Variants in MKLN1 observed in about 807,000 individuals in gnomAD.
The protein encoded by MKLN1 is muskelin.
Under a neutral mutation model 99.0 loss-of-function variants are expected in MKLN1, and 18 were observed. That is an observed-to-expected ratio of 0.18 (90% CI 0.13 to 0.27). The LOEUF is 0.27. Among genes scored for constraint, MKLN1 ranks in the 10% least tolerant of loss-of-function variants. The probability of loss-of-function intolerance (pLI) is 1.00; values close to 1 mark genes in which losing one functional copy is unlikely to be tolerated. For synonymous variants in MKLN1, 288 were observed against 293.2 expected (o/e 0.98, Z 0.18); for missense variants, 621 against 875.9 (o/e 0.71, Z 3.67).
At chr7:131,270,149 C>T (rs1224422402) in intron 3 of MKLN1, among the ~76,000 whole-genome samples, 1 of 152,002 alleles carries the variant, frequency 6.6e-6, no homozygotes, top group Non-Finnish European at 1.5e-5. Context: ...GTCTCGATCT[C>T]CCGACTTCAT....
chr7:131,120,556 A>AAAG (rs1028645405), intron 1 of MKLN1, among the ~76,000 whole-genome samples: 2 of 151,182 alleles, frequency 1.3e-5, no homozygotes, highest in African/African-American at 4.9e-5. Flanking sequence ...CTCAAAAAAA[A>AAAG]AAAAAAAAAG....
chr7:131,470,993 C>T lies in MKLN1; in HGVS notation c.2031+49C>T, dbSNP rs564586118. The T allele has an allele frequency of 6.2e-6, 8 of 1,288,932 alleles. No individual in the cohort carries two copies. In the South Asian group the frequency reaches 7.7e-5, roughly 12 times the overall value. 79.8% of individuals were successfully genotyped at this position (1,288,932 alleles called of 1,614,324 possible). On this transcript the variant is annotated intron_variant, in intron 16 of 17. Transcript: ENST00000352689. Reference sequence around the variant, plus strand: ...TCAGAAATTAAGTATTTTTAAATGTCTTCCTAACTTATATTTAATGATTTT... The same window carrying T: ...TCAGAAATTAAGTATTTTTAAATGTTTTCCTAACTTATATTTAATGATTTT...
At chr7:131,161,962 T>A (rs1796057899) in intron 2 of MKLN1, among the ~76,000 whole-genome samples, 1 of 33,842 alleles carries the variant, frequency 3.0e-5, no homozygotes, top group African/African-American at 2.0e-4. Flanking sequence ...TGTGTGTGTG[T>A]GTATATATAT....
At chr7:131,148,697 C>A (rs965272531) in intron 2 of MKLN1, among the ~76,000 whole-genome samples, 24 of 152,012 alleles carry the variant, frequency 1.6e-4, no homozygotes, top group Non-Finnish European at 3.4e-4. Context: ...CACTTGAACC[C>A]CAGGAGGTCA....
At chr7:131,439,978 A>G (rs989996204) in intron 10 of MKLN1, among the ~76,000 whole-genome samples, 33 of 152,094 alleles carry the variant, frequency 2.2e-4, no homozygotes, top group African/African-American at 8.0e-4. Flanking sequence ...AATGCCTTGT[A>G]AGTTTAGCCA....
intron 2 of MKLN1, among the ~76,000 whole-genome samples, chr7:131,167,990 C>T (rs1397269697): frequency 2.6e-5 from 4 of 152,090 alleles, no homozygotes; most frequent in African/African-American, 9.7e-5. Context: ...GGAAATTAAC[C>T]CAAATGCTGA....
chr7:131,478,757 A>T (rs764101958), intron 17 of MKLN1, 80 bp downstream of exon 17: 3 of 1,460,656 alleles, frequency 2.1e-6, no homozygotes, highest in East Asian at 2.3e-5. Flanking sequence ...TACGTGAAAC[A>T]TCAGGTGAGA....
chr7:131,144,338 C>T (rs1358802025), intron 2 of MKLN1, among the ~76,000 whole-genome samples: 3 of 151,478 alleles, frequency 2.0e-5, no homozygotes, highest in Non-Finnish European at 4.4e-5. Flanking sequence ...AAAAATTAGC[C>T]GGGCGTGGTG....
intron 3 of MKLN1, among the ~76,000 whole-genome samples, chr7:131,274,650 A>G (rs1183407793): frequency 6.6e-6 from 1 of 151,364 alleles, no homozygotes; most frequent in Non-Finnish European, 1.5e-5. Context: ...TCTCAAAAAA[A>G]AAAAAAAAAA....
intron 3 of MKLN1, chr7:131,310,716 G>A (rs1243536417): frequency 6.6e-6 from 1 of 152,176 alleles, no homozygotes; most frequent in Non-Finnish European, 1.5e-5. Context: ...GGTCATATCT[G>A]AAAATATGTC....
intron 1 of MKLN1, among the ~76,000 whole-genome samples, chr7:131,345,144 C>T (rs376238478): frequency 9.3e-4 from 141 of 152,122 alleles, no homozygotes; most frequent in Middle Eastern, 3.4e-3. Flanking sequence ...GCTCGTTATG[C>T]GATTTTTGGC....
intron 1 of MKLN1, among the ~76,000 whole-genome samples, chr7:131,368,544 A>G (rs1253706297): frequency 6.6e-6 from 1 of 152,204 alleles, no homozygotes; most frequent in East Asian, 1.9e-4. Context: ...TTCTCATGGC[A>G]GCAGGAGAGA....
chr7:131,298,642 G>C (rs917931220), intron 3 of MKLN1, among the ~76,000 whole-genome samples: 3 of 152,156 alleles, frequency 2.0e-5, no homozygotes, highest in African/African-American at 4.8e-5. Context: ...AATAAAACAC[G>C]CCTGTCTTTG....
intron 3 of MKLN1, among the ~76,000 whole-genome samples, chr7:131,298,863 T>A (rs182574129): frequency 6.6e-6 from 1 of 152,198 alleles, no homozygotes; most frequent in Non-Finnish European, 1.5e-5. Flanking sequence ...GGGTCAACTA[T>A]CAAGCGAAAT....
intron 3 of MKLN1, among the ~76,000 whole-genome samples, chr7:131,270,409 C>A (rs1797867495): frequency 6.6e-6 from 1 of 152,172 alleles, no homozygotes. Flanking sequence ...TTAGTAGAGA[C>A]AGGGTTTCAC....
At chr7:131,330,833 T>C (rs957901449) in intron 1 of MKLN1, among the ~76,000 whole-genome samples, 1 of 152,202 alleles carries the variant, frequency 6.6e-6, no homozygotes, top group African/African-American at 2.4e-5. Flanking sequence ...TTTTAATTTA[T>C]TTGGACTTTA....
intron 3 of MKLN1, among the ~76,000 whole-genome samples, chr7:131,279,828 A>G (rs1394576214): frequency 6.6e-6 from 1 of 152,116 alleles, no homozygotes; most frequent in Non-Finnish European, 1.5e-5. Context: ...TAACAAAAAT[A>G]AAGTATATAG....
rs1349982697 is a variant in MKLN1, at chr7:131,243,033, A to C, written c.-179+40059A>C. 9.0e-6 allele frequency: 5 copies of C among 558,446 alleles called. No individual in the cohort carries two copies. In the East Asian group the frequency reaches 1.2e-4, roughly 14 times the overall value. The allele number at this position is 558,446 out of a possible 1,614,324, so 34.6% of individuals were successfully genotyped here. On this transcript the variant is annotated intron_variant, in intron 3 of 7. Coordinates refer to the MKLN1 transcript ENST00000416992. ...TCGTTTTGGTCATTAAAAATTAAAC[A>C]GAAAAAAAAAAGGAAAGTTCACAGA...
intron 3 of MKLN1, among the ~76,000 whole-genome samples, chr7:131,231,081 C>G (rs184433868): frequency 3.1e-3 from 407 of 132,082 alleles, no homozygotes; most frequent in Non-Finnish European, 4.9e-3. Context: ...GATCGTACCA[C>G]TGCACTCCAG....
Sources: allele counts gnomAD v4.1 joint callset (sites outside exome capture counted in the v4.1 genomes callset), GRCh38; gene constraint gnomAD v4.1.1; transcripts MANE v1.5; gene names NCBI Gene and HGNC (gene_info 2026-07-23, HGNC 2026-07-21).